PUDP: variants seen among roughly 807,000 people sequenced by gnomAD.
PUDP encodes the protein pseudouridine-5'-phosphatase.
A neutral mutation model predicts 9.4 loss-of-function variants in PUDP; 8 were observed. That is an observed-to-expected ratio of 0.85 (90% CI 0.50 to 1.53). The LOEUF is 1.53. Among genes scored for constraint, PUDP ranks in the 40% most tolerant of loss-of-function variants. The pLI is 0.00. For synonymous variants in PUDP, 99 were observed against 80.7 expected (o/e 1.23, Z -1.22); for missense variants, 188 against 189.7 (o/e 0.99, Z 0.05).
chrX:6,748,407 C>T lies in PUDP; in HGVS notation c.*248-41941G>A, dbSNP rs182942240. Among the ~76,000 whole-genome samples, 20 of 111,964 alleles carry T rather than the reference C, an allele frequency of 1.8e-4. No individual in the cohort carries two copies. The East Asian group carries it at 4.8e-3, about 27-fold the overall frequency. ...TTCCATCAAAATCAGTCAGATCCAACGTACTCAATTCTCAAATACGGTGCA... is the reference window on the plus strand; with the variant it reads ...TTCCATCAAAATCAGTCAGATCCAATGTACTCAATTCTCAAATACGGTGCA... On this transcript the variant is annotated intron_variant and NMD_transcript_variant, in intron 3 of 3. Coordinates refer to the PUDP transcript ENST00000655425.
intron 3 of PUDP, among the ~76,000 whole-genome samples, chrX:6,928,160 T>C (rs753734286): frequency 2.7e-5 from 3 of 110,814 alleles, no homozygotes; most frequent in Non-Finnish European, 5.7e-5. Context: ...CTTGAACTCC[T>C]GGCCTCAAGT....
At chrX:7,124,565 G>A (rs956340251) in intron 1 of PUDP, among the ~76,000 whole-genome samples, 12 of 110,865 alleles carry the variant, frequency 1.1e-4, no homozygotes, top group Admixed American at 8.6e-4. Context: ...GCCAACACCC[G>A]ATTTTACCAA....
At chrX:6,980,456 C>T (rs367888436) in intron 1 of PUDP, among the ~76,000 whole-genome samples, 4 of 110,862 alleles carry the variant, frequency 3.6e-5, no homozygotes, top group African/African-American at 1.3e-4. Flanking sequence ...GAGATGCTCT[C>T]GCCTTAGCCT....
chrX:7,122,712 C>G (rs1932377161), intron 1 of PUDP, among the ~76,000 whole-genome samples: 2 of 111,916 alleles, frequency 1.8e-5, no homozygotes, highest in Non-Finnish European at 3.8e-5. Flanking sequence ...GTGGATACAG[C>G]TGGCTCAAAT....
intron 3 of PUDP, among the ~76,000 whole-genome samples, chrX:6,901,740 C>G (rs1166559447): frequency 8.9e-6 from 1 of 112,891 alleles, no homozygotes; most frequent in East Asian, 2.8e-4. Flanking sequence ...GGTATTGCCA[C>G]AAAGACCCTG....
intron 3 of PUDP, among the ~76,000 whole-genome samples, chrX:6,846,318 T>C (rs982497651): frequency 9.7e-6 from 1 of 102,965 alleles, no homozygotes; most frequent in Admixed American, 1.1e-4. Context: ...GCCAGGAAAA[T>C]GGCGCGGCGT....
At chrX:7,061,778 C>T (rs946479830) in intron 3 of PUDP, among the ~76,000 whole-genome samples, 3 of 111,621 alleles carry the variant, frequency 2.7e-5, no homozygotes, top group Non-Finnish European at 5.6e-5. Context: ...TTTAAATATG[C>T]CCTCCCACCA....
chrX:6,847,309 A>C (rs1861080869), intron 3 of PUDP, among the ~76,000 whole-genome samples: 1 of 102,907 alleles, frequency 9.7e-6, no homozygotes, highest in Admixed American at 1.0e-4. Flanking sequence ...AGAGTTGTGT[A>C]CTGCCAGTAC....
intron 3 of PUDP, among the ~76,000 whole-genome samples, chrX:6,771,095 T>C (rs1216864544): frequency 8.9e-6 from 1 of 111,754 alleles, no homozygotes; most frequent in Non-Finnish European, 1.9e-5. Context: ...TCAAGTTCAT[T>C]CCTATCTGCC....
chrX:7,052,970 A>G (rs1001269134), intron 3 of PUDP, among the ~76,000 whole-genome samples: 3 of 112,289 alleles, frequency 2.7e-5, no homozygotes, highest in Non-Finnish European at 5.6e-5. Flanking sequence ...TTCAGTGACT[A>G]CCTGTTCATG....
At chrX:6,812,951 G>T (rs1371341287) in intron 3 of PUDP, among the ~76,000 whole-genome samples, 1 of 110,933 alleles carries the variant, frequency 9.0e-6, no homozygotes, top group Non-Finnish European at 1.9e-5. Context: ...AAAATTAGCT[G>T]GGTATGGTGA....
intron 3 of PUDP, among the ~76,000 whole-genome samples, chrX:6,877,124 T>A (rs1927276561): frequency 9.1e-6 from 1 of 109,798 alleles, no homozygotes; most frequent in African/African-American, 3.3e-5. Context: ...GCCTGGCTAA[T>A]TTTTTTAATT....
intron 3 of PUDP, among the ~76,000 whole-genome samples, chrX:6,921,424 CATT>C (rs1247829801): frequency 1.8e-5 from 2 of 110,982 alleles, no homozygotes; most frequent in Admixed American, 9.6e-5. Context: ...TCACAACTCT[CATT>C]GTTGTTGGTG....
At chrX:7,040,298 C>G (rs1164351058) in intron 1 of PUDP, among the ~76,000 whole-genome samples, 1 of 111,664 alleles carries the variant, frequency 9.0e-6, no homozygotes, top group Non-Finnish European at 1.9e-5. Flanking sequence ...CCTGTGCCTA[C>G]CCGGAGCTGG....
At chrX:7,122,983 C>A (rs1312218563) in intron 1 of PUDP, among the ~76,000 whole-genome samples, 1 of 111,083 alleles carries the variant, frequency 9.0e-6, no homozygotes, top group African/African-American at 3.3e-5. Context: ...AAAAATGGAA[C>A]ATTTTTTATC....
chrX:7,028,309 C>T (rs1291106580), intron 1 of PUDP, among the ~76,000 whole-genome samples: 1 of 110,404 alleles, frequency 9.1e-6, no homozygotes, highest in Non-Finnish European at 1.9e-5. Context: ...TCAATAGAGA[C>T]AAGAAAATTC....
At chrX:6,855,498 A>T (rs1926891676) in intron 3 of PUDP, among the ~76,000 whole-genome samples, 1 of 111,328 alleles carries the variant, frequency 9.0e-6, no homozygotes, top group African/African-American at 3.3e-5. Flanking sequence ...CCTGTCTTAG[A>T]TGTTTATCCA....
chrX:7,102,566 T>C (rs1361843528), intron 2 of PUDP, among the ~76,000 whole-genome samples: 2 of 110,348 alleles, frequency 1.8e-5, no homozygotes, highest in East Asian at 5.6e-4. Context: ...AGTATAATAA[T>C]GGAAGTCTCA....
chrX:6,909,552 A>G (rs1927818442), intron 3 of PUDP, among the ~76,000 whole-genome samples: 1 of 112,150 alleles, frequency 8.9e-6, no homozygotes, highest in Non-Finnish European at 1.9e-5. Context: ...GCACATAGCC[A>G]TGCCCATTCC....
Sources: gnomAD v4.1 joint callset for allele counts (sites outside exome capture counted in the v4.1 genomes callset) on GRCh38, gnomAD v4.1.1 for gene constraint, MANE v1.5 for transcripts, NCBI Gene and HGNC (gene_info 2026-07-23, HGNC 2026-07-21) for gene names.